PSME4: variants seen among roughly 807,000 people sequenced by gnomAD.
PSME4 encodes proteasome activator complex subunit 4.
PSME4 carries 89 observed loss-of-function variants against 253.9 expected under a neutral mutation model. The observed-to-expected ratio is 0.35, with a 90% confidence interval of 0.30 to 0.42. The LOEUF is 0.42. PSME4 is among the 10% of genes least tolerant of loss of function. PSME4 has a pLI of 1.00. For missense variants in PSME4, 2,014 were observed against 2,195.2 expected (o/e 0.92, Z 1.65); for synonymous variants, 851 against 759.2 (o/e 1.12, Z -1.99).
intron 1 of PSME4, 89 bp downstream of exon 1, chr2:53,970,454 T>C: frequency 1.3e-6 from 2 of 1,535,418 alleles, no homozygotes; most frequent in Non-Finnish European, 1.7e-6. Flanking sequence ...GAGCTAAGGG[T>C]CCAGCCCTCT....
At chr2:53,878,842 G>C (rs761351883) in intron 41 of PSME4, among the ~76,000 whole-genome samples, 3 of 152,122 alleles carry the variant, frequency 2.0e-5, no homozygotes, top group Non-Finnish European at 2.9e-5. Context: ...ATTTTGCCCA[G>C]GTCCTATGGT....
At chr2:53,889,813 G>A (rs180702864) in intron 37 of PSME4, among the ~76,000 whole-genome samples, 3 of 152,250 alleles carry the variant, frequency 2.0e-5, no homozygotes, top group African/African-American at 7.2e-5. Context: ...CAGCAGAGAA[G>A]ATATAATAAT....
At chr2:53,934,474 A>C in intron 8 of PSME4, 131 bp downstream of exon 8, 1 of 903,076 alleles carries the variant, frequency 1.1e-6, no homozygotes, top group Non-Finnish European at 1.6e-6. Flanking sequence ...AGCTTGCTAA[A>C]TCAGAAAATA....
chr2:53,869,318 C>T, intron 44 of PSME4, 58 bp downstream of exon 44: 1 of 1,428,160 alleles, frequency 7.0e-7, no homozygotes, highest in Non-Finnish European at 9.5e-7. Context: ...ATGAGTAAGC[C>T]TGGTTAACCC....
intron 41 of PSME4, among the ~76,000 whole-genome samples, chr2:53,878,439 C>T (rs1281789098): frequency 2.0e-5 from 3 of 152,162 alleles, no homozygotes; most frequent in Non-Finnish European, 4.4e-5. Flanking sequence ...GAAAAAAGAA[C>T]AGGATAACAG....
chr2:53,937,478 A>G lies in PSME4; in HGVS notation c.608T>C (p.Phe203Ser). Reference protein sequence around the residue: ...LEEWRPLMCPFDVTMQKAITY... With the variant: ...LEEWRPLMCPSDVTMQKAITY... ...GATGGCCTTTTGCATGGTTACATCA[A>G]AAGGGCACATTAAAGGTCGCCATTC... The change falls in exon 5 of 47, where the codon TTT (phenylalanine) becomes TCT (serine). Residue 203 changes from phenylalanine (F) to serine (S), a missense_variant. By Grantham distance (155) the Phe-to-Ser change is radical. Transcript: ENST00000404125. 1 of 1,611,784 alleles carries G rather than the reference A, an allele frequency of 6.2e-7. No homozygotes were observed. The highest frequency in any genetic ancestry group is 8.5e-7 in the Non-Finnish European group (1 of 1,178,542).
chr2:53,879,638 G>A (rs1041597974), intron 41 of PSME4, among the ~76,000 whole-genome samples: 9 of 151,942 alleles, frequency 5.9e-5, no homozygotes, highest in Middle Eastern at 3.4e-3. Flanking sequence ...ATGCCAGTAC[G>A]AGCTATTTCT....
chr2:53,868,506 T>TTAAA (rs1558638190), intron 44 of PSME4, among the ~76,000 whole-genome samples: 13 of 53,716 alleles, frequency 2.4e-4, no homozygotes, highest in Non-Finnish European at 4.7e-4. Flanking sequence ...TGATATATAT[T>TTAAA]ATAAAATATA....
chr2:53,921,478 C>T (rs1191849320), intron 17 of PSME4, among the ~76,000 whole-genome samples: 1 of 150,960 alleles, frequency 6.6e-6, no homozygotes, highest in Non-Finnish European at 1.5e-5. Flanking sequence ...AACTCCTGAC[C>T]TAGTGATCCG....
intron 20 of PSME4, among the ~76,000 whole-genome samples, chr2:53,912,725 C>G (rs1573272505): frequency 6.6e-6 from 1 of 152,300 alleles, no homozygotes; most frequent in East Asian, 1.9e-4. Flanking sequence ...CTCCACCTCC[C>G]AAAGCACTGG....
rs949779669 is a variant in PSME4, at chr2:53,970,680, G to A, written c.105C>T (p.Asn35=). The A allele has an allele frequency of 2.6e-6, 4 of 1,550,042 alleles. No homozygotes were observed. The highest frequency in any genetic ancestry group is 1.4e-5 in the African/African-American group (1 of 73,168). ...GFVPQKEIVY[N]KLLPYAERLD... is the part of the protein sequence containing the mutation. ...GCCGCTCCGCGTAGGGCAGCAGCTT[G>A]TTGTAGACGATCTCCTTCTGCGGGA... The change falls in exon 1 of 47, where the codon AAC becomes AAT. Residue 35 remains asparagine (N), a synonymous_variant. Coordinates refer to ENST00000404125, the MANE Select transcript of PSME4 (RefSeq NM_014614.3).
In PSME4 at chr2:53,931,933, C is replaced by T. The variant is rs771815178; in HGVS notation, c.1218G>A (p.Leu406=). 8 of 1,614,074 alleles carry T rather than the reference C, an allele frequency of 5.0e-6. No homozygotes were observed. In the East Asian group the frequency reaches 8.9e-5, roughly 18 times the overall value. ...GACTACCGGTTTTGCTAAACATAGC[C>T]AAGAGGACAGGCTGAATAATGCATT... ...FVQCIIQPVL[L]AMFSKTGSLE... Residue 406 remains leucine (L), a synonymous_variant, in exon 10 of 47, where the codon TTG becomes TTA. Transcript: ENST00000404125.
chr2:53,879,014 T>C (rs1181440359), intron 41 of PSME4, among the ~76,000 whole-genome samples: 2 of 152,166 alleles, frequency 1.3e-5, no homozygotes, highest in Non-Finnish European at 2.9e-5. Flanking sequence ...AGGAACCTGC[T>C]GACATGGGAT....
chr2:53,867,669 CAAAAAAAA>C lies in PSME4; in HGVS notation c.5264-797_5264-790del, dbSNP rs35848517. 1.2e-4 allele frequency among the ~76,000 whole-genome samples: 12 copies of C among 98,540 alleles called. No individual in the cohort carries two copies. The South Asian group carries it at 3.1e-3, about 26-fold the overall frequency. 64.6% of individuals were successfully genotyped at this position (98,540 alleles called of 152,430 possible). On this transcript the variant is annotated intron_variant, in intron 44 of 46. Transcript: ENST00000404125. ...AGGGCGATAGAGGAAGACCTTACCT[CAAAAAAAA>C]AAAAAAAAAAAAAGGATTTTTAAAG...
rs1282445575 is a variant in PSME4 at position 53,970,671 on chromosome 2, C to T, written c.114G>A (p.Leu38=). 4 of 1,550,266 alleles carry T rather than the reference C, an allele frequency of 2.6e-6. No homozygotes were observed. In the East Asian group the frequency reaches 7.3e-5, roughly 28 times the overall value. The part of the protein sequence containing the change: ...PQKEIVYNKL[L]PYAERLDAES... ...CGGCGTCTAGCCGCTCCGCGTAGGGCAGCAGCTTGTTGTAGACGATCTCCT... is the reference window on the plus strand; with the variant it reads ...CGGCGTCTAGCCGCTCCGCGTAGGGTAGCAGCTTGTTGTAGACGATCTCCT... The change falls in exon 1 of 47, where the codon CTG becomes CTA. Residue 38 remains leucine, a synonymous_variant. Transcript: ENST00000404125.
At chr2:53,870,021 T>C (rs1481781564) in intron 43 of PSME4, 1 of 152,310 alleles carries the variant, frequency 6.6e-6, no homozygotes, top group African/African-American at 2.4e-5. Context: ...TGCTGTCAGA[T>C]CACAAACACA....
At chr2:53,924,678 G>T (rs2104454372) in intron 14 of PSME4, among the ~76,000 whole-genome samples, 1 of 152,092 alleles carries the variant, frequency 6.6e-6, no homozygotes, top group East Asian at 1.9e-4. Flanking sequence ...CAACATGCAG[G>T]TTTGTTACAT....
chr2:53,867,937 G>A (rs184543005), intron 44 of PSME4, among the ~76,000 whole-genome samples: 28 of 152,218 alleles, frequency 1.8e-4, no homozygotes, highest in African/African-American at 5.8e-4. Context: ...TTCTGTAGTA[G>A]TGTAAGTTAG....
At chr2:53,937,311 AGTT>A in intron 5 of PSME4, 77 bp downstream of exon 5, 8 of 1,275,830 alleles carry the variant, frequency 6.3e-6, no homozygotes, top group Non-Finnish European at 8.6e-6. Context: ...TGATTTTTCT[AGTT>A]GTTATTGTTT....
Sources: allele counts gnomAD v4.1 joint callset (sites outside exome capture counted in the v4.1 genomes callset), GRCh38; gene constraint gnomAD v4.1.1; transcripts MANE v1.5; gene names NCBI Gene and HGNC (gene_info 2026-07-23, HGNC 2026-07-21).